Variants in ZNF827 observed in about 807,000 individuals in gnomAD.
ZNF827 encodes the protein zinc finger protein 827.
Under a neutral mutation model 102.4 loss-of-function variants are expected in ZNF827, and 13 were observed. The ratio of observed to expected loss-of-function variants is 0.13; its 90% CI spans 0.08 to 0.20. The LOEUF is 0.20. ZNF827 is among the 10% of genes least tolerant of loss of function. The pLI is 1.00. For missense variants in ZNF827, 1,103 were observed against 1,344.4 expected (o/e 0.82, Z 2.81); for synonymous variants, 523 against 536.2 (o/e 0.98, Z 0.34).
At chr4:145,912,227 GTT>G (rs1223266331) in intron 1 of ZNF827, among the ~76,000 whole-genome samples, 1 of 152,188 alleles carries the variant, frequency 6.6e-6, no homozygotes, top group African/African-American at 2.4e-5. Flanking sequence ...CTGTTATTAT[GTT>G]TGTTATATAT....
chr4:145,903,702 A>G (rs773269929), intron 1 of ZNF827, among the ~76,000 whole-genome samples: 1 of 152,220 alleles, frequency 6.6e-6, no homozygotes, highest in Non-Finnish European at 1.5e-5. Flanking sequence ...AGCTGGTCTG[A>G]GAATCCACTT....
At chr4:145,833,375 A>G (rs1029511638) in intron 7 of ZNF827, among the ~76,000 whole-genome samples, 1 of 152,106 alleles carries the variant, frequency 6.6e-6, no homozygotes, top group African/African-American at 2.4e-5. Flanking sequence ...GTGTTTAATC[A>G]TTGCAGGGCT....
Position 145,902,198 on chromosome 4 carries a change from G to A in ZNF827, c.1061C>T (p.Pro354Leu), listed in dbSNP as rs368218251. The change falls in exon 2 of 15, where the codon CCT (proline) becomes CTT (leucine). Residue 354 changes from proline to leucine, a missense_variant. Pro to Leu is a moderately conservative substitution (Grantham distance 98). Coordinates refer to ENST00000508784, the MANE Select transcript of ZNF827 (RefSeq NM_001306215.2). The surrounding 1 kb of genome is among the most constrained non-coding windows in gnomAD (Gnocchi z 4.3). ...GGAGGGTTTAGAAACTCTTCCCTTA[G>A]GAACTGGGAGTAATAATAATTCCAG... is the stretch of plus-strand genomic sequence containing the variant. ...QSLELLLLPV[P>L]KGRVSKPSNS... 19 of 1,606,502 alleles carry A rather than the reference G, an allele frequency of 1.2e-5. No homozygotes were observed. Among genetic ancestry groups the A allele is most frequent in the Middle Eastern group, 1.7e-4 (1 of 6,016 alleles).
chr4:145,883,083 C>T (rs1199187085), intron 4 of ZNF827, among the ~76,000 whole-genome samples: 1 of 151,544 alleles, frequency 6.6e-6, no homozygotes, highest in African/African-American at 2.4e-5. Flanking sequence ...AAAAATCGCT[C>T]TAGAAAATGT....
In ZNF827 at chr4:145,938,461, C is replaced by T; in HGVS notation, c.-54G>A. The stretch of plus-strand genomic sequence containing the variant: ...TGGTTAATGTGAGATCAAATAAACC[C>T]CCGTGGGGGCAGAGAGGCAGACACT... On this transcript the variant is annotated 5_prime_UTR_variant, in exon 1 of 15. Coordinates refer to ENST00000508784, the MANE Select transcript of ZNF827 (RefSeq NM_001306215.2). 7.8e-7 allele frequency: 1 copy of T among 1,274,068 alleles called. No homozygotes were observed. Among genetic ancestry groups the T allele is most frequent in the East Asian group, 5.2e-5 (1 of 19,204 alleles). 78.9% of individuals were successfully genotyped at this position (1,274,068 alleles called of 1,614,324 possible). A position where few individuals can be genotyped will look rare whatever the true frequency, so the allele number is the denominator to read the frequency against.
Position 145,775,735 on chromosome 4 carries a change from G to A in ZNF827, c.2693+54C>T. 6 of 1,603,482 alleles carry A rather than the reference G, an allele frequency of 3.7e-6. No individual in the cohort carries two copies. In the South Asian group the frequency reaches 4.4e-5, roughly 12 times the overall value. On this transcript the variant is annotated intron_variant, in intron 10 of 14. Transcript: ENST00000508784. ...TGCCCACAGCAGACAGGTAGGAAGT[G>A]TTGAAGTCAAGAGTCTGAGAAAGGC...
At chr4:145,857,373 T>C (rs1168592475) in intron 5 of ZNF827, among the ~76,000 whole-genome samples, 1 of 152,242 alleles carries the variant, frequency 6.6e-6, no homozygotes, top group African/African-American at 2.4e-5. Context: ...CTGGGGTACA[T>C]GAAACATATC....
chr4:145,859,575 T>C (rs1243991497), intron 5 of ZNF827, among the ~76,000 whole-genome samples: 1 of 152,208 alleles, frequency 6.6e-6, no homozygotes, highest in Non-Finnish European at 1.5e-5. Context: ...TGCATGGATA[T>C]TCCCCTGATG....
Position 145,886,177 on chromosome 4 carries a change from G to T in ZNF827, c.1267-19C>A, listed in dbSNP as rs1393173100. 2.6e-6 allele frequency: 4 copies of T among 1,566,944 alleles called. No homozygotes were observed. Among genetic ancestry groups the T allele is most frequent in the Admixed American group, 3.8e-5 (2 of 53,178 alleles). On this transcript the variant is annotated intron_variant, in intron 3 of 14. Coordinates refer to ENST00000508784, the MANE Select transcript of ZNF827 (RefSeq NM_001306215.2). The stretch of plus-strand genomic sequence containing the variant: ...GATGAACCTGACGGAGAAGCAAGAA[G>T]AATGAGCTAGCCACCGTGCATTTAT...
intron 8 of ZNF827, among the ~76,000 whole-genome samples, chr4:145,784,660 A>G (rs993186224): frequency 6.6e-6 from 1 of 152,266 alleles, no homozygotes; most frequent in Non-Finnish European, 1.5e-5. Context: ...AAAAGTGCAC[A>G]TATCAATAAC....
At chr4:145,814,259 C>T (rs575489289) in intron 8 of ZNF827, among the ~76,000 whole-genome samples, 1 of 152,326 alleles carries the variant, frequency 6.6e-6, no homozygotes, top group East Asian at 1.9e-4. Context: ...ACCTGTATCA[C>T]TTTTCCTTCA....
chr4:145,772,564 G>T (rs1489428379), intron 11 of ZNF827, among the ~76,000 whole-genome samples: 1 of 152,136 alleles, frequency 6.6e-6, no homozygotes, highest in Non-Finnish European at 1.5e-5. Context: ...CCACTCATTT[G>T]CATATTGTCT....
rs753582985 is a variant in ZNF827 at position 145,849,599 on chromosome 4, C to T, written c.1982-38G>A. Reference sequence around the variant, plus strand: ...GAATGAAGAGAAACAAAAACACCACCATTTCTTAATTCCAAGCTAGACCCA... The same window carrying T: ...GAATGAAGAGAAACAAAAACACCACTATTTCTTAATTCCAAGCTAGACCCA... On this transcript the variant is annotated intron_variant, in intron 5 of 14. Transcript: ENST00000508784. 7 of 1,609,950 alleles carry T rather than the reference C, an allele frequency of 4.3e-6. No individual in the cohort carries two copies. The South Asian group carries it at 5.5e-5, about 13-fold the overall frequency.
intron 11 of ZNF827, among the ~76,000 whole-genome samples, chr4:145,774,079 A>G (rs1395663574): frequency 6.6e-6 from 1 of 152,180 alleles, no homozygotes; most frequent in Admixed American, 6.5e-5. Flanking sequence ...TGGATGGAAT[A>G]TCTCACCTCT....
rs111238295 is a variant in ZNF827, at chr4:145,776,293, CA to C, written c.2522-334del. 1.4e-3 allele frequency among the ~76,000 whole-genome samples: 209 copies of C among 151,856 alleles called. 1 individual carries two copies. Among genetic ancestry groups the C allele is most frequent in the African/African-American group, 4.8e-3 (197 of 41,436 alleles). The stretch of plus-strand genomic sequence containing the variant: ...GCATCACAGCGAGACTCCATCTCTA[CA>C]AAAAAATTTTTAAAAAATTAGTCAG... On this transcript the variant is annotated intron_variant, in intron 9 of 14. Transcript: ENST00000508784.
chr4:145,769,989 A>C (rs978642003), intron 11 of ZNF827, among the ~76,000 whole-genome samples: 22 of 152,276 alleles, frequency 1.4e-4, no homozygotes, highest in African/African-American at 5.3e-4. Context: ...GTTTCCATTA[A>C]GATTAAGAAT....
intron 7 of ZNF827, among the ~76,000 whole-genome samples, 187 bp from the exon 8 acceptor site, chr4:145,823,712 C>T (rs1375854626): frequency 6.6e-6 from 1 of 152,198 alleles, no homozygotes; most frequent in African/African-American, 2.4e-5. Flanking sequence ...CAGACAAGTG[C>T]CAGCTGTACC....
intron 2 of ZNF827, among the ~76,000 whole-genome samples, chr4:145,897,565 T>A (rs1020107471): frequency 1.3e-5 from 2 of 152,236 alleles, no homozygotes; most frequent in Non-Finnish European, 2.9e-5. Context: ...ACATGGACTT[T>A]AAATCTTTTA....
intron 1 of ZNF827, among the ~76,000 whole-genome samples, chr4:145,925,940 A>G (rs1265264723): frequency 1.3e-5 from 2 of 152,238 alleles, no homozygotes; most frequent in East Asian, 1.9e-4. Context: ...AACAAGTCTT[A>G]TAAAATCAAA....
Sources: allele counts gnomAD v4.1 joint callset (sites outside exome capture counted in the v4.1 genomes callset), GRCh38; gene constraint gnomAD v4.1.1; non-coding constraint Gnocchi (gnomAD v3.1); transcripts MANE v1.5; gene names NCBI Gene and HGNC (gene_info 2026-07-23, HGNC 2026-07-21).